The following CIMAP3 variants were observed in gnomAD, a reference collection of about 807,000 sequenced individuals.
CIMAP3 encodes the protein ciliary microtubule associated protein 3.
chr1:111,340,522 C>A, the CIMAP3 span, among the ~76,000 whole-genome samples: 2 of 151,874 alleles, frequency 1.3e-5, no homozygotes, highest in African/African-American at 4.9e-5. Flanking sequence ...AAAAAACAAA[C>A]AACCCCATCA....
At chr1:111,340,501 A>C in the CIMAP3 span, among the ~76,000 whole-genome samples, 1 of 151,934 alleles carries the variant, frequency 6.6e-6, no homozygotes, top group Non-Finnish European at 1.5e-5. Context: ...AACGCAAACA[A>C]ATTTACAAGA....
chr1:111,340,893 A>G, the CIMAP3 span, among the ~76,000 whole-genome samples: 3 of 152,142 alleles, frequency 2.0e-5, no homozygotes, highest in African/African-American at 4.8e-5. Flanking sequence ...TGCTGCTATA[A>G]AGACACATGA....
the CIMAP3 span, among the ~76,000 whole-genome samples, chr1:111,334,821 A>C: frequency 6.6e-6 from 1 of 152,176 alleles, no homozygotes; most frequent in Non-Finnish European, 1.5e-5. Flanking sequence ...GAGGTCAAAG[A>C]TGGATTATTT....
chr1:111,330,948 T>G, the CIMAP3 span, among the ~76,000 whole-genome samples: 3 of 152,204 alleles, frequency 2.0e-5, no homozygotes, highest in African/African-American at 7.2e-5. Context: ...GAAAAATATC[T>G]TTACTGGGAA....
the CIMAP3 span, chr1:111,347,634 T>TTTTTTGTGTTTTTG: frequency 8.3e-7 from 1 of 1,212,016 alleles, no homozygotes; most frequent in Non-Finnish European, 1.2e-6. Context: ...TTTTTTTTTT[T>TTTTTTGTGTTTTTG]TTTGGTGTTT....
chr1:111,346,899 CTT>C, the CIMAP3 span: 2 of 1,613,066 alleles, frequency 1.2e-6, no homozygotes, highest in African/African-American at 2.7e-5. Flanking sequence ...AGCCTCTCCT[CTT>C]TATTTTAGAC....
At chr1:111,326,568 T>C in the CIMAP3 span, among the ~76,000 whole-genome samples, 3 of 152,272 alleles carry the variant, frequency 2.0e-5, no homozygotes, top group East Asian at 5.8e-4. Flanking sequence ...ATCTTTACAA[T>C]TGTGAATACT....
At chr1:111,328,463 A>G in the CIMAP3 span, among the ~76,000 whole-genome samples, 1 of 152,102 alleles carries the variant, frequency 6.6e-6, no homozygotes, top group Non-Finnish European at 1.5e-5. Flanking sequence ...AAGTCTGTCA[A>G]TATTATTGTG....
At chr1:111,351,329 CG>C in the CIMAP3 span, 1 of 1,569,368 alleles carries the variant, frequency 6.4e-7, no homozygotes, top group Admixed American at 2.1e-5. Flanking sequence ...TATAATTGAG[CG>C]GCTGTAACTA....
At chr1:111,349,547 G>A in the CIMAP3 span, 1 of 152,414 alleles carries the variant, frequency 6.6e-6, no homozygotes, top group Non-Finnish European at 1.5e-5. Context: ...TTCTCAAGTT[G>A]CATTAAGGAA....
At chr1:111,334,397 A>G in the CIMAP3 span, among the ~76,000 whole-genome samples, 1 of 152,222 alleles carries the variant, frequency 6.6e-6, no homozygotes, top group African/African-American at 2.4e-5. Context: ...CCTAGCAGTA[A>G]AGAATCTATT....
chr1:111,334,005 T>C, the CIMAP3 span, among the ~76,000 whole-genome samples: 1 of 152,214 alleles, frequency 6.6e-6, no homozygotes, highest in East Asian at 1.9e-4. Flanking sequence ...ATTGATGATT[T>C]TTACTTTCAT....
At chr1:111,339,020 A>T in the CIMAP3 span, among the ~76,000 whole-genome samples, 2 of 152,300 alleles carry the variant, frequency 1.3e-5, no homozygotes, top group South Asian at 4.1e-4. Context: ...TCAAGTGGGC[A>T]TCATCCCTGG....
the CIMAP3 span, chr1:111,348,591 T>C: frequency 1.2e-6 from 2 of 1,613,066 alleles, no homozygotes; most frequent in African/African-American, 2.7e-5. Context: ...TTTTGCTCCA[T>C]TTAATGTCTT....
the CIMAP3 span, chr1:111,348,241 G>T: frequency 7.0e-5 from 19 of 271,824 alleles, no homozygotes; most frequent in Non-Finnish European, 1.2e-4. Context: ...TCTCAGTGAG[G>T]TGTTAAGCAT....
At chr1:111,345,449 A>T in the CIMAP3 span, among the ~76,000 whole-genome samples, 2 of 152,354 alleles carry the variant, frequency 1.3e-5, no homozygotes, top group East Asian at 3.9e-4. Flanking sequence ...GACATGGGAC[A>T]ACTCACTGTA....
the CIMAP3 span, among the ~76,000 whole-genome samples, chr1:111,339,108 T>A: frequency 6.6e-6 from 1 of 151,904 alleles, no homozygotes. Flanking sequence ...AAAAACCACA[T>A]GATTATCTCA....
the CIMAP3 span, among the ~76,000 whole-genome samples, chr1:111,342,480 C>G: frequency 1.3e-5 from 2 of 152,186 alleles, no homozygotes. Flanking sequence ...GAGATAAATT[C>G]TTAGTGTGAG....
the CIMAP3 span, among the ~76,000 whole-genome samples, chr1:111,334,294 G>A: frequency 2.0e-5 from 3 of 152,166 alleles, no homozygotes; most frequent in African/African-American, 7.2e-5. Flanking sequence ...GAAAAGTGGT[G>A]ACAGTTTAGG....
Sources: allele counts gnomAD v4.1 joint callset (sites outside exome capture counted in the v4.1 genomes callset), GRCh38; gene constraint gnomAD v4.1.1; transcripts MANE v1.5; gene names NCBI Gene and HGNC (gene_info 2026-07-23, HGNC 2026-07-21).